The following IQANK1 variants were observed in gnomAD, a reference collection of about 807,000 sequenced individuals.
IQANK1 encodes IQ motif and ankyrin repeat containing 1.
In IQANK1, 30 loss-of-function variants were observed where a neutral mutation model predicts 22.6. That is an observed-to-expected ratio of 1.33 (90% confidence interval 0.99 to 1.80). The LOEUF (loss-of-function observed/expected upper bound fraction) is 1.80, where lower values mean the gene tolerates loss of function less well. IQANK1 is among the 40% of genes most tolerant of loss of function. The probability of loss-of-function intolerance (pLI) is 0.00; values close to 1 mark genes in which losing one functional copy is unlikely to be tolerated. For missense variants in IQANK1, 275 were observed against 235.2 expected (o/e 1.17, Z -1.11); for synonymous variants, 122 against 99.6 (o/e 1.23, Z -1.34).
chr8:143,737,119 C>T (rs958910090), intron 2 of IQANK1, among the ~76,000 whole-genome samples: 18 of 152,218 alleles, frequency 1.2e-4, no homozygotes, highest in Non-Finnish European at 2.2e-4. Flanking sequence ...TGAGGCCAGC[C>T]GCCCTCCTGG....
intron 3 of IQANK1, among the ~76,000 whole-genome samples, chr8:143,766,375 A>C (rs1006102367): frequency 6.6e-6 from 1 of 152,124 alleles, no homozygotes. Context: ...TCGTGAATAG[A>C]ACTAACTGAT....
At chr8:143,743,354 C>T (rs1818962873) in intron 3 of IQANK1, among the ~76,000 whole-genome samples, 1 of 152,226 alleles carries the variant, frequency 6.6e-6, no homozygotes, top group Non-Finnish European at 1.5e-5. Context: ...CCTCCTGCCT[C>T]AGCCTGAGTA....
At chr8:143,738,788 GCACTGAC>G (rs577748738) in intron 2 of IQANK1, among the ~76,000 whole-genome samples, 283 of 152,298 alleles carry the variant, frequency 1.9e-3, no homozygotes, top group Non-Finnish European at 3.2e-3. Flanking sequence ...CATCCTGGTC[GCACTGAC>G]CCTCAGGGCC....
chr8:143,787,565 T>C (rs1204517113), intron 7 of IQANK1, among the ~76,000 whole-genome samples: 1 of 152,172 alleles, frequency 6.6e-6, no homozygotes, highest in East Asian at 1.9e-4. Flanking sequence ...CTCCCGTGCA[T>C]CTGTGAGTTC....
chr8:143,748,805 A>T (rs1266222908), intron 3 of IQANK1, among the ~76,000 whole-genome samples: 30 of 83,762 alleles, frequency 3.6e-4, no homozygotes, highest in Non-Finnish European at 5.9e-4. Context: ...ATAAATATAT[A>T]TCATATAAAT....
intron 3 of IQANK1, among the ~76,000 whole-genome samples, chr8:143,747,447 A>G (rs1819053174): frequency 6.6e-6 from 1 of 152,084 alleles, no homozygotes; most frequent in South Asian, 2.1e-4. Context: ...CTTAAGTTAT[A>G]AAGTTAGGTA....
At chr8:143,761,327 C>T (rs1030010132) in intron 3 of IQANK1, among the ~76,000 whole-genome samples, 4 of 152,232 alleles carry the variant, frequency 2.6e-5, no homozygotes, top group Admixed American at 6.5e-5. Flanking sequence ...GCTGCTCCGG[C>T]CCCGGGAAGC....
chr8:143,753,339 C>A (rs190162632), intron 3 of IQANK1, among the ~76,000 whole-genome samples: 18 of 151,852 alleles, frequency 1.2e-4, no homozygotes, highest in Non-Finnish European at 2.2e-4. Flanking sequence ...CCATTTCATT[C>A]ATACATTATT....
At chr8:143,753,394 A>G (rs2129846745) in intron 3 of IQANK1, among the ~76,000 whole-genome samples, 1 of 151,038 alleles carries the variant, frequency 6.6e-6, no homozygotes, top group South Asian at 2.1e-4. Context: ...GAGTTCTTTA[A>G]GATAATTGTT....
At chr8:143,742,769 T>C (rs1301262374) in intron 3 of IQANK1, 5 of 453,498 alleles carry the variant, frequency 1.1e-5, no homozygotes, top group Admixed American at 9.4e-5. Context: ...AACCAGACAG[T>C]GTGGCCCAAG....
At chr8:143,776,999 G>A (rs368893507) in intron 7 of IQANK1, among the ~76,000 whole-genome samples, 133 of 152,162 alleles carry the variant, frequency 8.7e-4, no homozygotes, top group African/African-American at 3.0e-3. Flanking sequence ...GGTGGCATGT[G>A]CCTGTGGTCC....
At chr8:143,750,027 G>A (rs1819157578) in intron 3 of IQANK1, among the ~76,000 whole-genome samples, 1 of 145,830 alleles carries the variant, frequency 6.9e-6, no homozygotes, top group Non-Finnish European at 1.5e-5. Context: ...TTTTTGAGGT[G>A]GAGTTTCGCT....
At chr8:143,736,141 A>ATTT (rs555506417) in intron 2 of IQANK1, among the ~76,000 whole-genome samples, 5 of 137,056 alleles carry the variant, frequency 3.6e-5, no homozygotes, top group Non-Finnish European at 3.2e-5. Context: ...GCCTGAATCT[A>ATTT]TTTTTTTTTT....
intron 7 of IQANK1, among the ~76,000 whole-genome samples, chr8:143,779,479 C>A (rs942701238): frequency 2.6e-5 from 4 of 152,196 alleles, no homozygotes; most frequent in Non-Finnish European, 5.9e-5. Flanking sequence ...ACTCATTCAT[C>A]TATTAATTTT....
Position 143,790,189 on chromosome 8 carries a change from C to G in IQANK1, c.1342C>G (p.Gln448Glu). Residue 448 changes from glutamine to glutamate, a missense_variant, in exon 13 of 14, where the codon CAG (glutamine) becomes GAG (glutamate). Transcript: ENST00000527139. ...CCAGGCGGCCACCTTCCTGCGCTAC[C>G]AGGATACCAACTATGTGGACACGGT... ...LGQAATFLRY[Q>E]DTNYVDTVNP... 1.2e-5 allele frequency: 15 copies of G among 1,232,126 alleles called. No individual in the cohort carries two copies. Among genetic ancestry groups the G allele is most frequent in the Non-Finnish European group, 1.4e-5 (14 of 988,020 alleles). The allele number at this position is 1,232,126 out of a possible 1,614,324, so 76.3% of individuals were successfully genotyped here.
intron 3 of IQANK1, among the ~76,000 whole-genome samples, chr8:143,741,038 AGCACCGAGGCTCT>A (rs1818899777): frequency 6.6e-6 from 1 of 152,198 alleles, no homozygotes. Flanking sequence ...ACTGAAGGCC[AGCACCGAGGCTCT>A]GCCCGGGACC....
chr8:143,782,679 G>A (rs1819817614), intron 7 of IQANK1, among the ~76,000 whole-genome samples: 1 of 152,106 alleles, frequency 6.6e-6, no homozygotes, highest in Admixed American at 6.5e-5. Flanking sequence ...GTTTCTTCAT[G>A]TTGGACAGGC....
rs147203769 is a variant in IQANK1, at chr8:143,758,414, G to T, written c.176-13074G>T. On this transcript the variant is annotated intron_variant, in intron 3 of 13. Coordinates refer to ENST00000527139, the MANE Select transcript of IQANK1 (RefSeq NM_001381874.1). The surrounding 1 kb of genome is among the most constrained non-coding windows in gnomAD (Gnocchi z 4.2). ...GGAGGCAGAGGTTGTGATGAGCCGA[G>T]AATGTGCCATTGCACTCCAGCCTGG... The T allele has an allele frequency of 0.02, 3,027 of 152,400 alleles. 94 individuals carry two copies. Among genetic ancestry groups the T allele is most frequent in the African/African-American group, 0.061 (2,546 of 41,466 alleles). The allele number at this position is 152,400 out of a possible 1,614,324, so 9.4% of individuals were successfully genotyped here.
chr8:143,749,403 CAT>C (rs1491455016), intron 3 of IQANK1, among the ~76,000 whole-genome samples: 2 of 122,704 alleles, frequency 1.6e-5, no homozygotes, highest in Non-Finnish European at 3.2e-5. Context: ...AATTATATAT[CAT>C]ATCATATATA....
Sources: allele counts gnomAD v4.1 joint callset (sites outside exome capture counted in the v4.1 genomes callset), GRCh38; gene constraint gnomAD v4.1.1; non-coding constraint Gnocchi (gnomAD v3.1); transcripts MANE v1.5; gene names NCBI Gene and HGNC (gene_info 2026-07-23, HGNC 2026-07-21).